Variants in ITM2C observed in about 807,000 individuals in gnomAD.
ITM2C encodes BRICHOS domain containing 2C.
Under a neutral mutation model 30.0 loss-of-function variants are expected in ITM2C, and 20 were observed. The ratio of observed to expected loss-of-function variants is 0.67; its 90% CI spans 0.47 to 0.97. ITM2C has a LOEUF of 0.97. Among genes scored for constraint, ITM2C ranks in the 50% least tolerant of loss-of-function variants. ITM2C has a pLI of 0.00. For synonymous variants in ITM2C, 167 were observed against 156.4 expected, an observed-to-expected ratio of 1.07 and a Z score of -0.51; for missense variants, 366 against 371.9, an observed-to-expected ratio of 0.98 and a Z score of 0.13.
At chr2:230,874,347 C>T (rs548026937) in intron 2 of ITM2C, among the ~76,000 whole-genome samples, 3 of 152,100 alleles carry the variant, frequency 2.0e-5, no homozygotes, top group Non-Finnish European at 4.4e-5. Flanking sequence ...CCATCACCTT[C>T]CTTTCTGTGC....
At chr2:230,875,415 ATC>A (rs1697267484) in intron 2 of ITM2C, among the ~76,000 whole-genome samples, 1 of 152,116 alleles carries the variant, frequency 6.6e-6, no homozygotes, top group Non-Finnish European at 1.5e-5. Context: ...GAATCAGCTC[ATC>A]TCCTCACTGG....
intron 1 of ITM2C, among the ~76,000 whole-genome samples, chr2:230,870,770 G>C (rs1697145748): frequency 6.6e-6 from 1 of 152,264 alleles, no homozygotes; most frequent in Non-Finnish European, 1.5e-5. Flanking sequence ...AAGGCGGAAA[G>C]GCGAGGCTGC....
At chr2:230,876,673 G>A (rs1697306128) in intron 3 of ITM2C, among the ~76,000 whole-genome samples, 184 bp from the exon 4 acceptor site, 1 of 152,130 alleles carries the variant, frequency 6.6e-6, no homozygotes, top group Non-Finnish European at 1.5e-5. Flanking sequence ...AGTAGAGACG[G>A]GGTTTCACCA....
Position 230,865,050 on chromosome 2 carries a change from G to A in ITM2C, c.25G>A (p.Ala9Thr), listed in dbSNP as rs1362112441. The change falls in exon 1 of 6, where the codon GCC (alanine) becomes ACC (threonine). Residue 9 changes from alanine to threonine, a missense_variant. Physicochemically the swap from Ala to Thr is moderately conservative, Grantham distance 58. Transcript: ENST00000326427. The surrounding 1 kb of genome is among the most constrained non-coding windows in gnomAD (Gnocchi z 6.8). ...CATGGTGAAGATTAGCTTCCAGCCC[G>A]CCGTGGCTGGCATCAAGGGCGACAA... MVKISFQPAVAGIKGDKAD... is the reference protein window; with the variant it reads MVKISFQPTVAGIKGDKAD... 14 of 1,523,434 alleles carry A rather than the reference G, an allele frequency of 9.2e-6. No individual in the cohort carries two copies. Among genetic ancestry groups the A allele is most frequent in the Admixed American group, 1.9e-5 (1 of 52,278 alleles). The allele number at this position is 1,523,434 out of a possible 1,614,324, so 94.4% of individuals were successfully genotyped here.
At chr2:230,864,622 G>A (rs1696974582), upstream of ITM2C, 1 of 153,136 alleles carries the variant, frequency 6.5e-6, no homozygotes, top group Admixed American at 6.5e-5. This position sits in a 1 kb window ranked among gnomAD's most constrained non-coding sequence, Gnocchi z 4.3. Context: ...TGCGTTGCGG[G>A]GATGCTGGCC....
At chr2:230,868,101 G>A (rs886291060) in intron 1 of ITM2C, among the ~76,000 whole-genome samples, 4 of 152,006 alleles carry the variant, frequency 2.6e-5, no homozygotes, top group South Asian at 2.1e-4. Context: ...AGGGTGAGGC[G>A]GCAGGAGCAC....
Position 230,865,012 on chromosome 2 carries a change from G to T in ITM2C, c.-14G>T, listed in dbSNP as rs369924713. ...GGCAGAGGCTGCGGGGCGGACGCGC[G>T]GGCCGGCGCAGCCATGGTGAAGATT... On this transcript the variant is annotated 5_prime_UTR_variant, in exon 1 of 6. Transcript: ENST00000326427. This position sits in a 1 kb window ranked among gnomAD's most constrained non-coding sequence, Gnocchi z 6.8. 1.6e-5 allele frequency: 23 copies of T among 1,471,402 alleles called. No homozygotes were observed. The highest frequency in any genetic ancestry group is 2.0e-5 in the Non-Finnish European group (22 of 1,101,810). The allele number at this position is 1,471,402 out of a possible 1,614,324, so 91.1% of individuals were successfully genotyped here. A position where few individuals can be genotyped will look rare whatever the true frequency, so the allele number is the denominator to read the frequency against.
chr2:230,873,626 G>A lies in ITM2C; in HGVS notation c.261+69G>A, dbSNP rs1468137622. The A allele has an allele frequency of 3.4e-6, 5 of 1,457,524 alleles. No homozygotes were observed. In the Admixed American group the frequency reaches 8.9e-5, roughly 26 times the overall value. The allele number at this position is 1,457,524 out of a possible 1,614,324, so 90.3% of individuals were successfully genotyped here. A position where few individuals can be genotyped will look rare whatever the true frequency, so the allele number is the denominator to read the frequency against. ...CATGTCTAGAGAGGCATGGAGGGAA[G>A]TGTCTGCAAGGGGGCAGCAGGAAGC... On this transcript the variant is annotated intron_variant, in intron 2 of 5. Coordinates refer to ENST00000326427, the MANE Select transcript of ITM2C (RefSeq NM_030926.6).
upstream of ITM2C, among the ~76,000 whole-genome samples, chr2:230,864,427 G>T (rs1276762643): frequency 6.6e-6 from 1 of 152,184 alleles, no homozygotes; most frequent in African/African-American, 2.4e-5. The surrounding 1 kb of genome is among the most constrained non-coding windows in gnomAD (Gnocchi z 4.3). Context: ...GACGGAGGCA[G>T]CAGTTTGGCG....
intron 2 of ITM2C, among the ~76,000 whole-genome samples, chr2:230,874,647 A>C (rs1409390062): frequency 6.6e-6 from 1 of 152,164 alleles, no homozygotes; most frequent in Non-Finnish European, 1.5e-5. Context: ...CTGGGCTCTC[A>C]TCCCCGCACA....
chr2:230,868,690 T>C (rs1697091824), intron 1 of ITM2C, among the ~76,000 whole-genome samples: 1 of 152,228 alleles, frequency 6.6e-6, no homozygotes. Context: ...TGTGTCCTGG[T>C]CTCAGGCCCT....
rs1697322606 is a variant in ITM2C, at chr2:230,877,132, T to TA, written c.561+166dup. The stretch of plus-strand genomic sequence containing the variant: ...GTACCCAGATTGGTCTCGCCTCTGC[T>TA]ATCCCCCTGCTTCCACATCTCCAGA... On this transcript the variant is annotated intron_variant, in intron 4 of 5. Transcript: ENST00000326427. The surrounding 1 kb of genome is among the most constrained non-coding windows in gnomAD (Gnocchi z 4.8). 6.6e-6 allele frequency among the ~76,000 whole-genome samples: 1 copy of TA among 152,174 alleles called. No homozygotes were observed. Among genetic ancestry groups the TA allele is most frequent in the African/African-American group, 2.4e-5 (1 of 41,440 alleles).
chr2:230,877,262 C>T lies in ITM2C; in HGVS notation c.562-138C>T. On this transcript the variant is annotated intron_variant, in intron 4 of 5. Coordinates refer to ENST00000326427, the MANE Select transcript of ITM2C (RefSeq NM_030926.6). This position sits in a 1 kb window ranked among gnomAD's most constrained non-coding sequence, Gnocchi z 4.8. The stretch of plus-strand genomic sequence containing the variant: ...GCAGCACAGGTGCAGGCACCGGGCA[C>T]AGGCAGGAAGTGCCTGAGGACATCA... The T allele has an allele frequency of 1.2e-6, 1 of 829,796 alleles. No homozygotes were observed. Among genetic ancestry groups the T allele is most frequent in the Non-Finnish European group, 1.9e-6 (1 of 523,046 alleles). The allele number at this position is 829,796 out of a possible 1,614,324, so 51.4% of individuals were successfully genotyped here.
chr2:230,868,043 G>A (rs1333073150), intron 1 of ITM2C, among the ~76,000 whole-genome samples: 1 of 151,954 alleles, frequency 6.6e-6, no homozygotes, highest in Non-Finnish European at 1.5e-5. Flanking sequence ...GTGCGTTGGG[G>A]CAGTTCTTGA....
intron 2 of ITM2C, among the ~76,000 whole-genome samples, chr2:230,874,907 A>G (rs907309510): frequency 1.3e-5 from 2 of 152,190 alleles, no homozygotes; most frequent in Non-Finnish European, 2.9e-5. Flanking sequence ...CACCAGACAC[A>G]GTGTCTGTCA....
chr2:230,866,151 T>C (rs1210863978), intron 1 of ITM2C, among the ~76,000 whole-genome samples: 2 of 152,166 alleles, frequency 1.3e-5, no homozygotes, highest in African/African-American at 4.8e-5. Flanking sequence ...CCAGGTTTTA[T>C]TGTGCCTGGC....
chr2:230,873,554 G>C lies in ITM2C; in HGVS notation c.258G>C (p.Ala86=), dbSNP rs2289233. The C allele has an allele frequency of 3.1e-6, 5 of 1,603,666 alleles. No homozygotes were observed. In the Admixed American group the frequency reaches 8.6e-5, roughly 27 times the overall value. Residue 86 remains alanine, a synonymous_variant, in exon 2 of 6, where the codon GCG becomes GCC. Transcript: ENST00000326427. ...ACATCTACAGATACTTCTTCCTTGC[G>C]CAGGTGAGGGGCCGGGCCAGGTAGG... The part of the protein sequence containing the change: ...SVYIYRYFFL[A]QLARDNFFRC...
chr2:230,864,378 A>T (rs1696970523), upstream of ITM2C, among the ~76,000 whole-genome samples: 1 of 152,118 alleles, frequency 6.6e-6, no homozygotes, highest in African/African-American at 2.4e-5. The surrounding 1 kb of genome is among the most constrained non-coding windows in gnomAD (Gnocchi z 4.3). Flanking sequence ...CAGAAGCAAG[A>T]TGGAGGATGA....
At chr2:230,875,020 A>C (rs1390294342) in intron 2 of ITM2C, among the ~76,000 whole-genome samples, 1 of 151,996 alleles carries the variant, frequency 6.6e-6, no homozygotes, top group Non-Finnish European at 1.5e-5. Context: ...GACTCTTAAC[A>C]GTGTTGCCTC....
Sources: allele counts gnomAD v4.1 joint callset (sites outside exome capture counted in the v4.1 genomes callset), GRCh38; gene constraint gnomAD v4.1.1; non-coding constraint Gnocchi (gnomAD v3.1); transcripts MANE v1.5; gene names NCBI Gene and HGNC (gene_info 2026-07-23, HGNC 2026-07-21).